GNAT3: variants seen among roughly 807,000 people sequenced by gnomAD.
The protein encoded by GNAT3 is guanine nucleotide-binding protein G(t) subunit alpha-3.
GNAT3 carries 31 observed loss-of-function variants against 37.7 expected under a neutral mutation model. The ratio of observed to expected loss-of-function variants is 0.82; its 90% confidence interval spans 0.62 to 1.11. The LOEUF (loss-of-function observed/expected upper bound fraction) is 1.11, where lower values mean the gene tolerates loss of function less well. Ranked by LOEUF, GNAT3 falls within the 50% of genes most tolerant of loss-of-function variation. The pLI, the probability that GNAT3 is intolerant of heterozygous loss-of-function variation, is 0.00. For missense variants in GNAT3, 437 were observed against 412.5 expected, an observed-to-expected ratio of 1.06 and a Z score of -0.51; for synonymous variants, 138 against 139.8, an observed-to-expected ratio of 0.99 and a Z score of 0.09.
At chr7:80,467,145 A>G (rs1352914369) in intron 5 of GNAT3, among the ~76,000 whole-genome samples, 3 of 152,146 alleles carry the variant, frequency 2.0e-5, no homozygotes. Context: ...GTGCTCTTTC[A>G]GCATATCATG....
At chr7:80,467,591 T>C (rs909520050) in intron 5 of GNAT3, among the ~76,000 whole-genome samples, 2 of 152,144 alleles carry the variant, frequency 1.3e-5, no homozygotes, top group Non-Finnish European at 2.9e-5. Flanking sequence ...TTTTATGGAA[T>C]TGTAAAGTAT....
Position 80,488,591 on chromosome 7 carries a change from C to A in GNAT3, c.247G>T (p.Ala83Ser). Residue 83 changes from alanine (A) to serine (S), a missense_variant, in exon 3 of 8, where the codon GCT becomes TCT. By Grantham distance (99) the Ala-to-Ser change is moderately conservative (BLOSUM62 1). Transcript: ENST00000398291. ...AGGGTAGTCATGGCTTTCACAATAG[C>A]TAGGATGGATTGCAATGTATTACTG... ...IYSNTLQSIL[A>S]IVKAMTTLGI... The A allele has an allele frequency of 6.3e-7, 1 of 1,598,860 alleles. No individual in the cohort carries two copies. Among genetic ancestry groups the A allele is most frequent in the Non-Finnish European group, 8.5e-7 (1 of 1,171,196 alleles).
At chr7:80,479,756 C>T (rs1790362312) in intron 3 of GNAT3, among the ~76,000 whole-genome samples, 1 of 147,874 alleles carries the variant, frequency 6.8e-6, no homozygotes, top group Non-Finnish European at 1.5e-5. Flanking sequence ...GAAATAAATT[C>T]ATTATTCTAA....
At chr7:80,475,119 A>G (rs113783893) in intron 4 of GNAT3, among the ~76,000 whole-genome samples, 13,892 of 151,550 alleles carry the variant, frequency 0.092, 772 homozygotes, top group South Asian at 0.13. Context: ...CACTGTCCCC[A>G]CTCCCACCTC....
Position 80,475,244 on chromosome 7 carries a change from G to A in GNAT3, c.462-865C>T, listed in dbSNP as rs1025130180. The stretch of plus-strand genomic sequence containing the variant: ...TTTCCCCTCACAGGATCTAGGTGTG[G>A]TGATGAACAGGAATAAGTCTAATTA... On this transcript the variant is annotated intron_variant, in intron 4 of 7. Transcript: ENST00000398291. Among the ~76,000 whole-genome samples, 15 of 151,610 alleles carry A rather than the reference G, an allele frequency of 9.9e-5. No individual in the cohort carries two copies. The South Asian group carries it at 1.3e-3, about 13-fold the overall frequency.
At chr7:80,487,165 C>T (rs1790500998) in intron 3 of GNAT3, among the ~76,000 whole-genome samples, 1 of 151,976 alleles carries the variant, frequency 6.6e-6, no homozygotes, top group African/African-American at 2.4e-5. Flanking sequence ...TATGTTGTTT[C>T]TTAAGAGCCA....
At chr7:80,478,213 A>G (rs571250533) in intron 4 of GNAT3, among the ~76,000 whole-genome samples, 2 of 152,306 alleles carry the variant, frequency 1.3e-5, no homozygotes, top group African/African-American at 2.4e-5. Flanking sequence ...GCCCAGCACT[A>G]AAGGAAAATT....
At chr7:80,509,990 C>T (rs1584203582) in intron 1 of GNAT3, among the ~76,000 whole-genome samples, 1 of 152,062 alleles carries the variant, frequency 6.6e-6, no homozygotes, top group African/African-American at 2.4e-5. Context: ...GCACATAACA[C>T]CTACTCTCTT....
At chr7:80,473,386 T>A (rs1041785369) in intron 5 of GNAT3, among the ~76,000 whole-genome samples, 40 of 152,286 alleles carry the variant, frequency 2.6e-4, no homozygotes, top group African/African-American at 9.1e-4. Context: ...CTAAAATAAA[T>A]TTATGATGTT....
intron 5 of GNAT3, among the ~76,000 whole-genome samples, chr7:80,468,928 A>G (rs1790165699): frequency 6.6e-6 from 1 of 152,124 alleles, no homozygotes. Flanking sequence ...AAATTCTGTC[A>G]CTAGAATCAA....
chr7:80,493,605 C>CTCCTCCTCCTCTTTCCTCT (rs1562730376), intron 2 of GNAT3, among the ~76,000 whole-genome samples: 10 of 121,958 alleles, frequency 8.2e-5, no homozygotes, highest in South Asian at 2.4e-4. Flanking sequence ...CTCCTCTTTC[C>CTCCTCCTCCTCTTTCCTCT]TCCTCCTCCT....
At chr7:80,462,013 G>T (rs960885589) in intron 7 of GNAT3, 146 bp downstream of exon 7, 2 of 606,670 alleles carry the variant, frequency 3.3e-6, no homozygotes, top group Non-Finnish European at 5.6e-6. Flanking sequence ...TTATTTGTAA[G>T]ATTTTTTTTC....
chr7:80,499,741 A>G (rs1431290285), intron 1 of GNAT3, among the ~76,000 whole-genome samples: 1 of 152,178 alleles, frequency 6.6e-6, no homozygotes, highest in African/African-American at 2.4e-5. Context: ...CCCATCACAT[A>G]GCTGGATTCA....
intron 1 of GNAT3, among the ~76,000 whole-genome samples, chr7:80,496,902 A>G (rs1340511671): frequency 6.6e-6 from 1 of 151,164 alleles, no homozygotes; most frequent in Admixed American, 6.6e-5. Context: ...TAGTTTCTGC[A>G]GTTGTCTGAA....
chr7:80,471,291 T>C (rs546651896), intron 5 of GNAT3, among the ~76,000 whole-genome samples: 18 of 151,332 alleles, frequency 1.2e-4, no homozygotes, highest in Admixed American at 1.3e-4. Flanking sequence ...AGCCCACTGA[T>C]TCAAATGTTA....
intron 2 of GNAT3, among the ~76,000 whole-genome samples, chr7:80,490,358 A>C (rs1327225470): frequency 6.6e-6 from 1 of 152,178 alleles, no homozygotes; most frequent in East Asian, 1.9e-4. Flanking sequence ...TCATCCCACA[A>C]AGTTCTGTTG....
At chr7:80,481,849 G>C (rs1433125675) in intron 3 of GNAT3, among the ~76,000 whole-genome samples, 2 of 152,098 alleles carry the variant, frequency 1.3e-5, no homozygotes, top group African/African-American at 2.4e-5. Context: ...TAGGCCTTTA[G>C]ACAATAACTT....
chr7:80,489,063 G>A (rs548415260), intron 2 of GNAT3, among the ~76,000 whole-genome samples: 11 of 152,184 alleles, frequency 7.2e-5, no homozygotes, highest in African/African-American at 2.6e-4. Context: ...GATGTCTAGA[G>A]GAAGCGAAGT....
At chr7:80,468,912 CA>C (rs1790165422) in intron 5 of GNAT3, among the ~76,000 whole-genome samples, 1 of 152,060 alleles carries the variant, frequency 6.6e-6, no homozygotes, top group Non-Finnish European at 1.5e-5. Flanking sequence ...ATAAAGCCAT[CA>C]CAATAAATTC....
Sources: gnomAD v4.1 joint callset for allele counts (sites outside exome capture counted in the v4.1 genomes callset) on GRCh38, gnomAD v4.1.1 for gene constraint, MANE v1.5 for transcripts, NCBI Gene and HGNC (gene_info 2026-07-23, HGNC 2026-07-21) for gene names.